JAM3: variants seen among roughly 807,000 people sequenced by gnomAD.
The protein encoded by JAM3 is junctional adhesion molecule C.
In JAM3, 31 loss-of-function variants were observed where a neutral mutation model predicts 39.4. The observed-to-expected ratio is 0.79, with a 90% CI of 0.59 to 1.06. The LOEUF (loss-of-function observed/expected upper bound fraction) is 1.06, where lower values mean the gene tolerates loss of function less well. Among genes scored for constraint, JAM3 ranks in the 50% least tolerant of loss-of-function variants. The probability of loss-of-function intolerance (pLI) is 0.00; values close to 1 mark genes in which losing one functional copy is unlikely to be tolerated. For synonymous variants in JAM3, 182 were observed against 148.7 expected (o/e 1.22, Z -1.63); for missense variants, 455 against 391.4 (o/e 1.16, Z -1.37).
intron 1 of JAM3, chr11:134,124,202 CAA>C (rs1167344555): frequency 7.0e-7 from 1 of 1,422,760 alleles, no homozygotes; most frequent in Non-Finnish European, 9.9e-7. Flanking sequence ...AAACTCGAAC[CAA>C]AGTCATCACT....
intron 1 of JAM3, among the ~76,000 whole-genome samples, chr11:134,075,187 A>G (rs1315326683): frequency 2.0e-5 from 3 of 152,196 alleles, no homozygotes; most frequent in African/African-American, 4.8e-5. Flanking sequence ...GTTTAGTCAA[A>G]TAACAGAGCA....
chr11:134,135,650 G>A (rs1348518520), intron 1 of JAM3, among the ~76,000 whole-genome samples: 2 of 151,466 alleles, frequency 1.3e-5, no homozygotes, highest in Non-Finnish European at 2.9e-5. Context: ...TGATTCTCCT[G>A]TGTCAGCCTA....
intron 1 of JAM3, among the ~76,000 whole-genome samples, chr11:134,103,385 C>T (rs1352766611): frequency 6.6e-6 from 1 of 152,134 alleles, no homozygotes; most frequent in East Asian, 1.9e-4. Context: ...AAAGGAACAA[C>T]CAGTACCAGC....
In JAM3 at chr11:134,144,606, G is replaced by A. The variant is rs150099437; in HGVS notation, c.410-186G>A. Among the ~76,000 whole-genome samples, 190 of 152,282 alleles carry A rather than the reference G, an allele frequency of 1.2e-3. 1 individual carries two copies. Among genetic ancestry groups the A allele is most frequent in the African/African-American group, 4.5e-3 (187 of 41,554 alleles). ...CTTCCTTCCACCAGCTAGAGGAGGC[G>A]CTTTAACATATGGGAGGGCAGGATG... On this transcript the variant is annotated intron_variant, in intron 4 of 8. Coordinates refer to ENST00000299106, the MANE Select transcript of JAM3 (RefSeq NM_032801.5).
chr11:134,124,708 T>C (rs577960256), intron 1 of JAM3, among the ~76,000 whole-genome samples: 1 of 152,192 alleles, frequency 6.6e-6, no homozygotes, highest in Non-Finnish European at 1.5e-5. Flanking sequence ...AAAAGAAATA[T>C]GCTTGCAATT....
At chr11:134,103,869 A>G (rs1942127546) in intron 1 of JAM3, among the ~76,000 whole-genome samples, 1 of 152,228 alleles carries the variant, frequency 6.6e-6, no homozygotes, top group Admixed American at 6.5e-5. Context: ...GCAAGTCCTT[A>G]GGGACCTACA....
intron 1 of JAM3, among the ~76,000 whole-genome samples, chr11:134,093,456 A>G (rs1428216019): frequency 7.5e-6 from 1 of 133,464 alleles, no homozygotes; most frequent in Non-Finnish European, 1.6e-5. Flanking sequence ...CTTATTCGTC[A>G]TGTTCCACCT....
chr11:134,112,737 T>C (rs1181203419), intron 1 of JAM3, among the ~76,000 whole-genome samples: 1 of 152,140 alleles, frequency 6.6e-6, no homozygotes, highest in East Asian at 1.9e-4. Flanking sequence ...GTGGAGGAGA[T>C]CAACTCAAGT....
chr11:134,086,469 CTT>C (rs1451461975), intron 1 of JAM3, among the ~76,000 whole-genome samples: 1 of 151,788 alleles, frequency 6.6e-6, no homozygotes, highest in African/African-American at 2.4e-5. Context: ...AAAAATTTCT[CTT>C]TGACATTCTT....
intron 1 of JAM3, among the ~76,000 whole-genome samples, chr11:134,127,661 C>G (rs1942676479): frequency 6.6e-6 from 1 of 152,230 alleles, no homozygotes; most frequent in African/African-American, 2.4e-5. Context: ...GATTATGCCA[C>G]TGCATTGCAG....
chr11:134,134,541 T>C (rs1005478709), intron 1 of JAM3, among the ~76,000 whole-genome samples: 1 of 152,072 alleles, frequency 6.6e-6, no homozygotes, highest in African/African-American at 2.4e-5. Flanking sequence ...TCGTACAGTA[T>C]TTGGATTGTA....
At chr11:134,102,354 C>T (rs982218645) in intron 1 of JAM3, among the ~76,000 whole-genome samples, 5 of 152,114 alleles carry the variant, frequency 3.3e-5, no homozygotes, top group African/African-American at 4.8e-5. Context: ...CACACCAAAA[C>T]CCCATCTGTA....
In JAM3 at chr11:134,149,169, G is replaced by C. The variant is rs144672452; in HGVS notation, c.921G>C (p.Ser307=). 2 of 1,613,986 alleles carry C rather than the reference G, an allele frequency of 1.2e-6. No homozygotes were observed. The highest frequency in any genetic ancestry group is 1.7e-6 in the Non-Finnish European group (2 of 1,179,872). The stretch of plus-strand genomic sequence containing the variant: ...AGGGCGACTTCAGACACAAGTCATC[G>C]TTTGTGATCTGAGACCCGCGGTGTG... ...DEEGDFRHKS[S]FVI is the part of the protein sequence containing the mutation. Residue 307 remains serine (S), a synonymous_variant, in exon 9 of 9, where the codon TCG becomes TCC. Transcript: ENST00000299106.
intron 1 of JAM3, among the ~76,000 whole-genome samples, chr11:134,130,666 G>A (rs1942753109): frequency 6.6e-6 from 1 of 152,194 alleles, no homozygotes; most frequent in East Asian, 1.9e-4. Flanking sequence ...AAGATTTGTG[G>A]TATTTTTACA....
At chr11:134,145,072 G>C (rs955390763) in intron 5 of JAM3, 78 bp downstream of exon 5, 1 of 1,208,056 alleles carries the variant, frequency 8.3e-7, no homozygotes, top group East Asian at 2.4e-5. Context: ...AGAAGATTAG[G>C]AGAGATACTG....
intron 1 of JAM3, among the ~76,000 whole-genome samples, chr11:134,119,224 C>A (rs892630427): frequency 6.6e-6 from 1 of 152,050 alleles, no homozygotes; most frequent in Admixed American, 6.6e-5. Flanking sequence ...GCACGACTGG[C>A]AAGAAGTCTT....
chr11:134,134,074 GAATC>G (rs1008443418), intron 1 of JAM3, among the ~76,000 whole-genome samples: 110 of 152,082 alleles, frequency 7.2e-4, no homozygotes, highest in African/African-American at 2.5e-3. Context: ...TTTTTAGAAA[GAATC>G]AAAACGAAAC....
intron 1 of JAM3, chr11:134,070,158 T>G (rs1454198632): frequency 2.2e-6 from 1 of 456,270 alleles, no homozygotes; most frequent in Non-Finnish European, 4.4e-6. Context: ...TAGGTTTCAT[T>G]AATCCATTTT....
Position 134,093,023 on chromosome 11 carries a change from G to A in JAM3, c.76+23864G>A, listed in dbSNP as rs559371714. 2.5e-3 allele frequency among the ~76,000 whole-genome samples: 353 copies of A among 144,042 alleles called. 6 individuals carry two copies. Among genetic ancestry groups the A allele is most frequent in the Non-Finnish European group, 6.2e-4 (41 of 66,118 alleles). The allele number at this position is 144,042 out of a possible 152,430, so 94.5% of individuals were successfully genotyped here. A position where few individuals can be genotyped will look rare whatever the true frequency, so the allele number is the denominator to read the frequency against. On this transcript the variant is annotated intron_variant, in intron 1 of 8. Coordinates refer to ENST00000299106, the MANE Select transcript of JAM3 (RefSeq NM_032801.5). The stretch of plus-strand genomic sequence containing the variant: ...TTCCACCTTACATGTCACTTCCTGA[G>A]GGAAGCTTCTCCTGAACCCTCCTTA...
Sources: allele counts gnomAD v4.1 joint callset (sites outside exome capture counted in the v4.1 genomes callset), GRCh38; gene constraint gnomAD v4.1.1; transcripts MANE v1.5; gene names NCBI Gene and HGNC (gene_info 2026-07-23, HGNC 2026-07-21).